The following LUZP2 variants were observed in gnomAD, a reference collection of about 807,000 sequenced individuals.
LUZP2 encodes leucine zipper protein 2.
In LUZP2, 52 loss-of-function variants were observed where a neutral mutation model predicts 51.6. That is an observed-to-expected ratio of 1.01 (90% CI 0.81 to 1.27). The LOEUF is 1.27. Among genes scored for constraint, LUZP2 ranks in the 50% most tolerant of loss-of-function variants. The pLI is 0.00. For synonymous variants in LUZP2, 154 were observed against 137.3 expected (o/e 1.12, Z -0.85); for missense variants, 436 against 395.4 (o/e 1.10, Z -0.87).
At chr11:24,843,093 A>G (rs1851086237) in intron 5 of LUZP2, among the ~76,000 whole-genome samples, 1 of 151,954 alleles carries the variant, frequency 6.6e-6, no homozygotes, top group African/African-American at 2.4e-5. Flanking sequence ...ATAAAAAACA[A>G]GAGAATACTA....
At chr11:24,983,753 G>C (rs1325784569) in intron 9 of LUZP2, among the ~76,000 whole-genome samples, 2 of 149,844 alleles carry the variant, frequency 1.3e-5, no homozygotes, top group African/African-American at 4.9e-5. Context: ...GTGTGTTTAG[G>C]TGTATTTACA....
chr11:25,059,659 A>G (rs1858778834), intron 10 of LUZP2, among the ~76,000 whole-genome samples: 1 of 152,122 alleles, frequency 6.6e-6, no homozygotes, highest in Non-Finnish European at 1.5e-5. Flanking sequence ...CTTCAAGGTA[A>G]AAGTTACTCA....
intron 5 of LUZP2, among the ~76,000 whole-genome samples, chr11:24,821,748 A>G (rs1048132737): frequency 1.8e-4 from 28 of 152,050 alleles, no homozygotes; most frequent in African/African-American, 6.3e-4. Context: ...GATACTTTGA[A>G]TGTATAATTG....
At chr11:24,797,340 A>G (rs577405008) in intron 5 of LUZP2, among the ~76,000 whole-genome samples, 2 of 152,308 alleles carry the variant, frequency 1.3e-5, no homozygotes, top group South Asian at 4.1e-4. Context: ...AATTGATGTG[A>G]TGCCAGGAAG....
At chr11:24,524,384 T>A (rs1306822990) in intron 1 of LUZP2, among the ~76,000 whole-genome samples, 1 of 151,738 alleles carries the variant, frequency 6.6e-6, no homozygotes, top group Non-Finnish European at 1.5e-5. Flanking sequence ...ACATGCTGAC[T>A]ACAAGAGCTT....
At chr11:24,538,999 C>A (rs371263331) in intron 1 of LUZP2, among the ~76,000 whole-genome samples, 1 of 151,912 alleles carries the variant, frequency 6.6e-6, no homozygotes, top group Non-Finnish European at 1.5e-5. Context: ...TATAGACAGG[C>A]ACTTACCCAC....
chr11:24,667,274 C>T (rs1359316308), intron 1 of LUZP2, among the ~76,000 whole-genome samples: 1 of 151,028 alleles, frequency 6.6e-6, no homozygotes, highest in African/African-American at 2.4e-5. Context: ...ACCTCCACCT[C>T]CCGGATTGAA....
At position 24,664,103 on chromosome 11, in the gene LUZP2, G is replaced by C. The variant is rs56745420; in HGVS notation, c.63-65066G>C. ...CGATTTTGGAACTGTGTAACAGACAGAGATTGGAAGAGCTTGGAGAACTCA... is the reference window on the plus strand; with the variant it reads ...CGATTTTGGAACTGTGTAACAGACACAGATTGGAAGAGCTTGGAGAACTCA... On this transcript the variant is annotated intron_variant, in intron 1 of 11. Transcript: ENST00000336930. Among the ~76,000 whole-genome samples, 517 of 152,284 alleles carry C rather than the reference G, an allele frequency of 3.4e-3. 2 individuals are homozygous for C. Among genetic ancestry groups the C allele is most frequent in the African/African-American group, 0.012 (484 of 41,558 alleles).
At chr11:24,782,631 C>T (rs1377653396) in intron 5 of LUZP2, among the ~76,000 whole-genome samples, 1 of 151,974 alleles carries the variant, frequency 6.6e-6, no homozygotes, top group Admixed American at 6.6e-5. Context: ...CTTCCTCCTC[C>T]TTTTCCTATT....
At chr11:24,985,247 C>T (rs188368670) in intron 9 of LUZP2, among the ~76,000 whole-genome samples, 5 of 151,628 alleles carry the variant, frequency 3.3e-5, no homozygotes, top group African/African-American at 1.2e-4. Context: ...CTGCAAGAGA[C>T]AACAAGAAAA....
At chr11:24,500,505 C>T (rs1239302329) in intron 1 of LUZP2, among the ~76,000 whole-genome samples, 1 of 152,106 alleles carries the variant, frequency 6.6e-6, no homozygotes, top group Non-Finnish European at 1.5e-5. Context: ...CAGTAATTCA[C>T]TTCAGAAAGA....
chr11:24,668,904 A>G (rs1171315045), intron 1 of LUZP2, among the ~76,000 whole-genome samples: 1 of 152,172 alleles, frequency 6.6e-6, no homozygotes, highest in Non-Finnish European at 1.5e-5. Context: ...TGTTTATTAC[A>G]TACCATTTTC....
chr11:24,587,027 A>T lies in LUZP2; in HGVS notation c.62+89722A>T, dbSNP rs77763411. Among the ~76,000 whole-genome samples, 864 of 152,218 alleles carry T rather than the reference A, an allele frequency of 5.7e-3. 10 individuals are homozygous for T. The highest frequency in any genetic ancestry group is 0.02 in the African/African-American group (822 of 41,552). ...TAATTTTTTTAAAAAATTGCTAGGGAGATTTTCCTCTGATGTAACACAAAC... is the reference window on the plus strand; with the variant it reads ...TAATTTTTTTAAAAAATTGCTAGGGTGATTTTCCTCTGATGTAACACAAAC... On this transcript the variant is annotated intron_variant, in intron 1 of 11. Coordinates refer to ENST00000336930, the MANE Select transcript of LUZP2 (RefSeq NM_001009909.4).
At chr11:24,697,848 T>C (rs1857294708) in intron 1 of LUZP2, among the ~76,000 whole-genome samples, 1 of 152,144 alleles carries the variant, frequency 6.6e-6, no homozygotes, top group Non-Finnish European at 1.5e-5. Context: ...TCTTGAGATA[T>C]TTTTCAGACT....
intron 1 of LUZP2, among the ~76,000 whole-genome samples, chr11:24,692,794 T>C (rs1336893636): frequency 6.6e-6 from 1 of 152,022 alleles, no homozygotes; most frequent in African/African-American, 2.4e-5. Flanking sequence ...TAATTCCTAA[T>C]TTAGGAGAAT....
At chr11:24,988,830 A>ACAATATC (rs1320818846) in intron 9 of LUZP2, among the ~76,000 whole-genome samples, 1 of 152,028 alleles carries the variant, frequency 6.6e-6, no homozygotes, top group Non-Finnish European at 1.5e-5. Context: ...ATCCATAAGG[A>ACAATATC]CAATATCTTT....
intron 5 of LUZP2, among the ~76,000 whole-genome samples, chr11:24,782,525 A>T (rs1195485881): frequency 6.6e-6 from 1 of 152,054 alleles, no homozygotes; most frequent in Non-Finnish European, 1.5e-5. Context: ...TGAAAAAAAA[A>T]TTCAGATTGG....
intron 1 of LUZP2, among the ~76,000 whole-genome samples, chr11:24,522,218 A>G (rs917249197): frequency 2.0e-5 from 3 of 152,130 alleles, no homozygotes; most frequent in Admixed American, 6.6e-5. Context: ...TTAAATTCAT[A>G]ACAATATTTA....
Position 25,079,584 on chromosome 11 carries a change from T to G in LUZP2, c.*926T>G, listed in dbSNP as rs569237027. On this transcript the variant is annotated 3_prime_UTR_variant, in exon 12 of 12. Coordinates refer to ENST00000336930, the MANE Select transcript of LUZP2 (RefSeq NM_001009909.4). ...CCAATGTGTTATTGAAACAAATCAA[T>G]GGCAGTGTTAATCCATAAGAGTTCT... The G allele has an allele frequency of 3.3e-5, 5 of 152,262 alleles. No individual in the cohort carries two copies. Among genetic ancestry groups the G allele is most frequent in the Non-Finnish European group, 5.9e-5 (4 of 67,980 alleles). The allele number at this position is 152,262 out of a possible 1,614,324, so 9.4% of individuals were successfully genotyped here.
Sources: allele counts gnomAD v4.1 joint callset (sites outside exome capture counted in the v4.1 genomes callset), GRCh38; gene constraint gnomAD v4.1.1; transcripts MANE v1.5; gene names NCBI Gene and HGNC (gene_info 2026-07-23, HGNC 2026-07-21).